The following TLR3 variants were observed in gnomAD, a reference collection of about 807,000 sequenced individuals.
The protein encoded by TLR3 is toll-like receptor 3.
A neutral mutation model predicts 66.4 loss-of-function variants in TLR3; 43 were observed. The observed-to-expected ratio is 0.65, with a 90% CI of 0.51 to 0.83. TLR3 has a LOEUF of 0.83. Ranked by LOEUF, TLR3 falls within the 40% of genes least tolerant of loss-of-function variation. TLR3 has a pLI of 0.00. For missense variants in TLR3, 982 were observed against 1,044.6 expected (o/e 0.94, Z 0.83); for synonymous variants, 397 against 397.2 (o/e 1.00, Z 0.01).
In TLR3 at chr4:186,082,931, C is replaced by T; in HGVS notation, c.1245C>T (p.Thr415=). The change falls in exon 4 of 5, where the codon ACC becomes ACT. Residue 415 remains threonine, a synonymous_variant. Coordinates refer to ENST00000296795, the MANE Select transcript of TLR3 (RefSeq NM_003265.3). The part of the protein sequence containing the change: ...AHSPLHILNL[T]KNKISKIESD... ...CTCCCTTACACATACTCAACCTAAC[C>T]AAGAATAAAATCTCAAAAATAGAGA... The T allele has an allele frequency of 1.2e-6, 2 of 1,614,164 alleles. No individual in the cohort carries two copies. The highest frequency in any genetic ancestry group is 1.7e-6 in the Non-Finnish European group (2 of 1,180,040).
In TLR3 at chr4:186,084,184, T is replaced by C. The variant is rs1415340538; in HGVS notation, c.2486+12T>C. 1 of 1,612,660 alleles carries C rather than the reference T, an allele frequency of 6.2e-7. No homozygotes were observed. The highest frequency in any genetic ancestry group is 1.7e-4 in the Middle Eastern group (1 of 6,050). On this transcript the variant is annotated intron_variant, in intron 4 of 4. Transcript: ENST00000296795. ...CCATTATGCAAAAGGTAGGTAAACA[T>C]TGTGAAATTTTAAGTGTGTACTTGC...
Position 186,084,997 on chromosome 4 carries a change from T to A in TLR3, c.*124T>A. On this transcript the variant is annotated 3_prime_UTR_variant, in exon 5 of 5. Coordinates refer to ENST00000296795, the MANE Select transcript of TLR3 (RefSeq NM_003265.3). ...TTCATATTTGTAAATGATTATATTCTATCACAATTACATCTCTTCTAGGAA... is the reference window on the plus strand; with the variant it reads ...TTCATATTTGTAAATGATTATATTCAATCACAATTACATCTCTTCTAGGAA... 1.3e-6 allele frequency: 1 copy of A among 779,344 alleles called. No homozygotes were observed. Among genetic ancestry groups the A allele is most frequent in the South Asian group, 1.7e-5 (1 of 59,778 alleles). The allele number at this position is 779,344 out of a possible 1,614,324, so 48.3% of individuals were successfully genotyped here. A position where few individuals can be genotyped will look rare whatever the true frequency, so the allele number is the denominator to read the frequency against.
chr4:186,087,798 T>A lies in TLR3; in HGVS notation c.*2925T>A, dbSNP rs2099304609. On this transcript the variant is annotated 3_prime_UTR_variant, in exon 5 of 5. Coordinates refer to ENST00000296795, the MANE Select transcript of TLR3 (RefSeq NM_003265.3). ...TTGAAAAATGTAAAGGGGCTTCAAA[T>A]CAAGAACTTAGAAGGAATTTCTTGC... 6.6e-6 allele frequency: 1 copy of A among 152,076 alleles called. No individual in the cohort carries two copies. Among genetic ancestry groups the A allele is most frequent in the Admixed American group, 6.5e-5 (1 of 15,268 alleles). 9.4% of individuals were successfully genotyped at this position (152,076 alleles called of 1,614,324 possible).
At chr4:186,070,802 C>G (rs753017188) in intron 1 of TLR3, among the ~76,000 whole-genome samples, 2 of 152,022 alleles carry the variant, frequency 1.3e-5, no homozygotes, top group Non-Finnish European at 2.9e-5. Context: ...CTCCTGGGCT[C>G]AAGCGATCCT....
chr4:186,074,095 T>C (rs1198493573), intron 1 of TLR3, among the ~76,000 whole-genome samples: 1 of 152,244 alleles, frequency 6.6e-6, no homozygotes, highest in Non-Finnish European at 1.5e-5. Context: ...GGTGCAACAC[T>C]TTCCCAAAGG....
At chr4:186,079,118 T>A in intron 3 of TLR3, 87 bp downstream of exon 3, 1 of 1,182,682 alleles carries the variant, frequency 8.5e-7, no homozygotes, top group Non-Finnish European at 1.2e-6. Context: ...TGTAATGCTC[T>A]CTAGCCTCTG....
chr4:186,083,781 A>G lies in TLR3; in HGVS notation c.2095A>G (p.Ser699Gly). ...RLFDTSSCKD[S>G]APFELFFMIN... ...TTTTGATACATCATCTTGCAAAGACAGTGCCCCCTTTGAACTCTTTTTCAT... is the reference window on the plus strand; with the variant it reads ...TTTTGATACATCATCTTGCAAAGACGGTGCCCCCTTTGAACTCTTTTTCAT... The change falls in exon 4 of 5, where the codon AGT (serine) becomes GGT (glycine). Residue 699 changes from serine to glycine, a missense_variant. Physicochemically the swap from Ser to Gly is moderately conservative, Grantham distance 56 (BLOSUM62 0). Coordinates refer to ENST00000296795, the MANE Select transcript of TLR3 (RefSeq NM_003265.3). This position sits in a 1 kb window ranked among gnomAD's most constrained non-coding sequence, Gnocchi z 4.0. 6.2e-7 allele frequency: 1 copy of G among 1,614,054 alleles called. No individual in the cohort carries two copies. The highest frequency in any genetic ancestry group is 1.3e-5 in the African/African-American group (1 of 75,054).
rs759190057 is a variant in TLR3, at chr4:186,084,682, C to A, written c.2524C>A (p.Gln842Lys). ...VHHAVQQAIE[Q>K]NLDSIILVFL... ...TCATGCAGTTCAACAAGCTATTGAA[C>A]AAAATCTGGATTCCATTATATTGGT... The change falls in exon 5 of 5, where the codon CAA (glutamine) becomes AAA (lysine). Residue 842 changes from glutamine (Q) to lysine (K), a missense_variant. Physicochemically the swap from Gln to Lys is moderately conservative, Grantham distance 53 (BLOSUM62 1). Coordinates refer to ENST00000296795, the MANE Select transcript of TLR3 (RefSeq NM_003265.3). 2 of 1,613,852 alleles carry A rather than the reference C, an allele frequency of 1.2e-6. No individual in the cohort carries two copies. The highest frequency in any genetic ancestry group is 2.2e-5 in the South Asian group (2 of 91,062).
chr4:186,081,948 C>T, intron 3 of TLR3: 1 of 251,486 alleles, frequency 4.0e-6, no homozygotes, highest in South Asian at 5.5e-5. Context: ...TGCATCTGGC[C>T]GGGTGCAGCG....
intron 3 of TLR3, among the ~76,000 whole-genome samples, chr4:186,080,552 A>G (rs2099303249): frequency 6.6e-6 from 1 of 151,184 alleles, no homozygotes; most frequent in Non-Finnish European, 1.5e-5. Context: ...AAAATATTTT[A>G]TGTATATAGT....
Position 186,077,005 on chromosome 4 carries a change from A to G in TLR3, c.386A>G (p.His129Arg), listed in dbSNP as rs751822847. 22 of 1,614,122 alleles carry G rather than the reference A, an allele frequency of 1.4e-5. No homozygotes were observed. The South Asian group carries it at 2.0e-4, about 14-fold the overall frequency. Residue 129 changes from histidine to arginine, a missense_variant, in exon 2 of 5, where the codon CAT becomes CGT. By Grantham distance (29) the His-to-Arg change is conservative. Transcript: ENST00000296795. Reference sequence around the variant, plus strand: ...TTCTGCACGAATTTGACTGAACTCCATCTCATGTCCAACTCAATCCAGAAA... The same window carrying G: ...TTCTGCACGAATTTGACTGAACTCCGTCTCATGTCCAACTCAATCCAGAAA... ...FAFCTNLTEL[H>R]LMSNSIQKIK...
In TLR3 at chr4:186,083,717, C is replaced by A. The variant is rs1265677857; in HGVS notation, c.2031C>A (p.Cys677Ter). Residue 677 changes from cysteine to a stop codon, truncating the protein, a stop_gained, in exon 4 of 5, where the codon TGC (cysteine) becomes TGA (stop). Coordinates refer to ENST00000296795, the MANE Select transcript of TLR3 (RefSeq NM_003265.3). LOFTEE classifies it high-confidence loss of function. The surrounding 1 kb of genome is among the most constrained non-coding windows in gnomAD (Gnocchi z 4.0). ...NIPELSSHYL[C>*]NTPPHYHGFP... is the part of the protein sequence containing the mutation. Reference sequence around the variant, plus strand: ...CTGAGCTGTCAAGCCACTACCTTTGCAACACTCCACCTCACTATCATGGGT... The same window carrying A: ...CTGAGCTGTCAAGCCACTACCTTTGAAACACTCCACCTCACTATCATGGGT... 1 of 1,608,704 alleles carries A rather than the reference C, an allele frequency of 6.2e-7. No individual in the cohort carries two copies. Among genetic ancestry groups the A allele is most frequent in the African/African-American group, 1.3e-5 (1 of 74,904 alleles).
Position 186,082,533 on chromosome 4 carries a change from T to C in TLR3, c.847T>C (p.Tyr283His), listed in dbSNP as rs2099303714. Residue 283 changes from tyrosine to histidine, a missense_variant, in exon 4 of 5, where the codon TAC becomes CAC. Transcript: ENST00000296795. ...WTNLTMLDLSYNNLNVVGNDS... is the reference protein window; with the variant it reads ...WTNLTMLDLSHNNLNVVGNDS... ...AAATCTCACTATGCTCGATCTTTCCTACAACAACTTAAATGTGGTTGGTAA... is the reference window on the plus strand; with the variant it reads ...AAATCTCACTATGCTCGATCTTTCCCACAACAACTTAAATGTGGTTGGTAA... 21 of 1,614,100 alleles carry C rather than the reference T, an allele frequency of 1.3e-5. No homozygotes were observed. The highest frequency in any genetic ancestry group is 1.6e-5 in the Non-Finnish European group (19 of 1,180,040).
chr4:186,082,858 C>A lies in TLR3; in HGVS notation c.1172C>A (p.Thr391Lys), dbSNP rs779727082. Residue 391 changes from threonine to lysine, a missense_variant, in exon 4 of 5, where the codon ACA (threonine) becomes AAA (lysine). Thr to Lys is a moderately conservative substitution (Grantham distance 78). Coordinates refer to ENST00000296795, the MANE Select transcript of TLR3 (RefSeq NM_003265.3). ...TACTTAAGTCTATCCAACTCCTTTACAAGTTTGCGAACTTTGACAAATGAA... is the reference window on the plus strand; with the variant it reads ...TACTTAAGTCTATCCAACTCCTTTAAAAGTTTGCGAACTTTGACAAATGAA... ...LKYLSLSNSF[T>K]SLRTLTNETF... 2.5e-6 allele frequency: 4 copies of A among 1,613,548 alleles called. No homozygotes were observed. The highest frequency in any genetic ancestry group is 1.3e-5 in the African/African-American group (1 of 74,900).
rs570849161 is a variant in TLR3 at position 186,087,622 on chromosome 4, T to A, written c.*2749T>A. 1 of 152,344 alleles carries A rather than the reference T, an allele frequency of 6.6e-6. No individual in the cohort carries two copies. The highest frequency in any genetic ancestry group is 1.9e-4 in the East Asian group (1 of 5,192). The allele number at this position is 152,344 out of a possible 1,614,324, so 9.4% of individuals were successfully genotyped here. A position where few individuals can be genotyped will look rare whatever the true frequency, so the allele number is the denominator to read the frequency against. On this transcript the variant is annotated 3_prime_UTR_variant, in exon 5 of 5. Coordinates refer to ENST00000296795, the MANE Select transcript of TLR3 (RefSeq NM_003265.3). ...TTGGTATTTAGGTTGTACCTAAAAA[T>A]GATAACTTTTAGACTGTAATCAGAG...
intron 1 of TLR3, among the ~76,000 whole-genome samples, chr4:186,069,686 A>G (rs1363421621): frequency 1.3e-5 from 2 of 152,208 alleles, no homozygotes; most frequent in Non-Finnish European, 2.9e-5. Flanking sequence ...AGGAGCTGGC[A>G]TTGTATGACA....
intron 1 of TLR3, among the ~76,000 whole-genome samples, chr4:186,070,914 C>T (rs967499426): frequency 5.3e-5 from 8 of 152,132 alleles, no homozygotes; most frequent in African/African-American, 1.9e-4. Flanking sequence ...CTATGTTGCC[C>T]AGGCTGGTGT....
intron 1 of TLR3, among the ~76,000 whole-genome samples, chr4:186,075,492 G>T (rs1243367467): frequency 2.6e-5 from 4 of 152,022 alleles, no homozygotes; most frequent in Non-Finnish European, 5.9e-5. Context: ...AATTAGCCGG[G>T]TGTGGTACAT....
chr4:186,074,151 A>G (rs2099302006), intron 1 of TLR3, among the ~76,000 whole-genome samples: 1 of 152,228 alleles, frequency 6.6e-6, no homozygotes, highest in Non-Finnish European at 1.5e-5. Context: ...CAAATGGCCC[A>G]GGCATTCCAA....
Sources: gnomAD v4.1 joint callset for allele counts (sites outside exome capture counted in the v4.1 genomes callset) on GRCh38, gnomAD v4.1.1 for gene constraint, Gnocchi (gnomAD v3.1) non-coding constraint, MANE v1.5 for transcripts, NCBI Gene and HGNC (gene_info 2026-07-23, HGNC 2026-07-21) for gene names.